ANK2: variants seen among roughly 807,000 people sequenced by gnomAD.
ANK2 encodes the protein ankyrin 2, also known as ankyrin-2.
Under a neutral mutation model 360.5 loss-of-function variants are expected in ANK2, and 83 were observed. The observed-to-expected ratio is 0.23, with a 90% CI of 0.19 to 0.28. The LOEUF (loss-of-function observed/expected upper bound fraction) is 0.28. ANK2 is among the 10% of genes least tolerant of loss of function. The probability of loss-of-function intolerance (pLI) is 1.00; values close to 1 mark genes in which losing one functional copy is unlikely to be tolerated. For synonymous variants in ANK2, 1,740 were observed against 1,759.5 expected, an observed-to-expected ratio of 0.99 and a Z score of 0.28; for missense variants, 4,201 against 4,795.7, an observed-to-expected ratio of 0.88 and a Z score of 3.66.
chr4:113,206,551 C>T (rs954652440), intron 4 of ANK2, among the ~76,000 whole-genome samples: 3 of 151,974 alleles, frequency 2.0e-5, no homozygotes, highest in Non-Finnish European at 2.9e-5. Context: ...CAGGTACTTG[C>T]ATTTGACAAG....
intron 45 of ANK2, among the ~76,000 whole-genome samples, chr4:113,379,180 C>G (rs942736878): frequency 6.6e-6 from 1 of 152,044 alleles, no homozygotes; most frequent in Non-Finnish European, 1.5e-5. Flanking sequence ...GGATAAAATG[C>G]CTTTTATACT....
the ANK2 span, among the ~76,000 whole-genome samples, chr4:112,758,341 G>A: frequency 5.3e-5 from 8 of 151,990 alleles, no homozygotes; most frequent in East Asian, 1.5e-3. Context: ...TTCATAATAC[G>A]CTGCATAATC....
chr4:112,943,621 G>A (rs1254843133), intron 2 of ANK2, among the ~76,000 whole-genome samples: 1 of 151,948 alleles, frequency 6.6e-6, no homozygotes, highest in Admixed American at 6.5e-5. Context: ...AGAAATCTAA[G>A]GATCTGTTTA....
intron 2 of ANK2, among the ~76,000 whole-genome samples, chr4:113,187,374 T>C (rs2098550319): frequency 6.6e-6 from 1 of 152,218 alleles, no homozygotes. Flanking sequence ...TTCAAGAGAT[T>C]TGTTGTTCAA....
At chr4:113,313,785 G>GT (rs2081306538) in intron 24 of ANK2, 6 of 149,578 alleles carry the variant, frequency 4.0e-5, no homozygotes, top group African/African-American at 1.5e-4. Context: ...TGTGTTGCCG[G>GT]GGCGGGGGGT....
intron 1 of ANK2, among the ~76,000 whole-genome samples, chr4:112,828,812 G>A (rs955224160): frequency 4.0e-4 from 61 of 152,198 alleles, no homozygotes; most frequent in African/African-American, 1.4e-3. Context: ...TCTAATATCC[G>A]GAATCTATAA....
At chr4:112,965,665 C>A (rs2036918713) in intron 2 of ANK2, among the ~76,000 whole-genome samples, 1 of 152,128 alleles carries the variant, frequency 6.6e-6, no homozygotes, top group Non-Finnish European at 1.5e-5. Flanking sequence ...AGATAGGGAT[C>A]AAGTTTCATT....
chr4:112,912,469 A>AT (rs1338290373), intron 2 of ANK2, among the ~76,000 whole-genome samples: 1 of 151,972 alleles, frequency 6.6e-6, no homozygotes, highest in Non-Finnish European at 1.5e-5. Flanking sequence ...TCTAGTTGCC[A>AT]TTTTTTGAGT....
chr4:112,851,887 G>A (rs2065089698), intron 1 of ANK2, among the ~76,000 whole-genome samples: 2 of 152,196 alleles, frequency 1.3e-5, no homozygotes, highest in Admixed American at 1.3e-4. Context: ...CTCCCAAAGT[G>A]TTGGGATTAC....
chr4:112,855,023 A>G (rs2065987705), intron 1 of ANK2, among the ~76,000 whole-genome samples: 2 of 152,224 alleles, frequency 1.3e-5, no homozygotes, highest in Admixed American at 6.5e-5. Flanking sequence ...AGCTCCAATG[A>G]CACAATGCAA....
At chr4:112,945,062 A>G (rs772932075) in intron 2 of ANK2, among the ~76,000 whole-genome samples, 5 of 152,256 alleles carry the variant, frequency 3.3e-5, no homozygotes, top group Admixed American at 6.5e-5. Context: ...GCTTACAATC[A>G]CAAAGGTGTA....
At chr4:113,057,617 T>G (rs1244497738) in intron 1 of ANK2, among the ~76,000 whole-genome samples, 2 of 152,124 alleles carry the variant, frequency 1.3e-5, no homozygotes, top group Non-Finnish European at 2.9e-5. Context: ...ATATATATGT[T>G]TAATCACTCA....
At chr4:112,837,954 G>A (rs1198428522) in intron 1 of ANK2, among the ~76,000 whole-genome samples, 1 of 152,146 alleles carries the variant, frequency 6.6e-6, no homozygotes, top group Non-Finnish European at 1.5e-5. Flanking sequence ...AGACTTTGGG[G>A]GACTATTGGG....
chr4:112,994,713 C>T lies in ANK2; in HGVS notation c.21+90199C>T, dbSNP rs147244507. 2.2e-3 allele frequency among the ~76,000 whole-genome samples: 341 copies of T among 152,228 alleles called. No individual in the cohort carries two copies. In the Middle Eastern group the frequency reaches 0.027, roughly 12 times the overall value. ...CATGAATGATCCTGTCACCCAGGTA[C>T]GGAGCATAGTACCCAATAAGCAGTT... On this transcript the variant is annotated intron_variant, in intron 2 of 30. Transcript: ENST00000503271.
intron 4 of ANK2, among the ~76,000 whole-genome samples, chr4:113,229,374 C>T (rs2099264869): frequency 6.6e-6 from 1 of 152,190 alleles, no homozygotes; most frequent in South Asian, 2.1e-4. Context: ...ATCTTCTCTC[C>T]TCTTTGCCTT....
At chr4:113,139,599 A>G (rs1442678943) in intron 1 of ANK2, among the ~76,000 whole-genome samples, 1 of 152,056 alleles carries the variant, frequency 6.6e-6, no homozygotes, top group East Asian at 1.9e-4. Context: ...GCATTTCAAA[A>G]TCCAGTCCGA....
the ANK2 span, among the ~76,000 whole-genome samples, chr4:112,775,363 A>T: frequency 6.6e-6 from 1 of 152,008 alleles, no homozygotes; most frequent in African/African-American, 2.4e-5. Flanking sequence ...TACTAAAAAT[A>T]CAAAAATTAG....
intron 2 of ANK2, among the ~76,000 whole-genome samples, chr4:112,993,438 A>T (rs1168520172): frequency 6.6e-6 from 1 of 151,186 alleles, no homozygotes; most frequent in Non-Finnish European, 1.5e-5. Context: ...AGTAGCTGGG[A>T]TTACAGGTAG....
chr4:112,831,922 C>T (rs1245469835), intron 1 of ANK2, among the ~76,000 whole-genome samples: 1 of 152,090 alleles, frequency 6.6e-6, no homozygotes, highest in Non-Finnish European at 1.5e-5. Flanking sequence ...GACCCCAAAC[C>T]CACCAGAAGG....
Sources: gnomAD v4.1 joint callset for allele counts (sites outside exome capture counted in the v4.1 genomes callset) on GRCh38, gnomAD v4.1.1 for gene constraint, MANE v1.5 for transcripts, NCBI Gene and HGNC (gene_info 2026-07-23, HGNC 2026-07-21) for gene names.